Variants in TIMMDC1 observed in about 807,000 individuals in gnomAD.
The protein encoded by TIMMDC1 is translocase of inner mitochondrial membrane domain containing 1, also known as complex I assembly factor TIMMDC1, mitochondrial.
A neutral mutation model predicts 32.6 loss-of-function variants in TIMMDC1; 25 were observed. That is an observed-to-expected ratio of 0.77 (90% CI 0.56 to 1.07). The LOEUF (loss-of-function observed/expected upper bound fraction) is 1.07. Ranked by LOEUF, TIMMDC1 falls within the 50% of genes least tolerant of loss-of-function variation. The pLI, the probability that TIMMDC1 is intolerant of heterozygous loss-of-function variation, is 0.00. For missense variants in TIMMDC1, 329 were observed against 349.2 expected, an observed-to-expected ratio of 0.94 and a Z score of 0.46; for synonymous variants, 130 against 127.6, an observed-to-expected ratio of 1.02 and a Z score of -0.13.
At chr3:119,520,049 T>C (rs1178719812) in intron 6 of TIMMDC1, among the ~76,000 whole-genome samples, 1 of 152,076 alleles carries the variant, frequency 6.6e-6, no homozygotes, top group Non-Finnish European at 1.5e-5. Flanking sequence ...ATTTAAAAAT[T>C]TCTTGAAACA....
chr3:119,517,145 C>T, intron 5 of TIMMDC1, 60 bp from the exon 6 acceptor site: 2 of 1,030,400 alleles, frequency 1.9e-6, no homozygotes, highest in South Asian at 1.3e-5. Context: ...CAGAGAATCT[C>T]ACATGTTGCA....
At chr3:119,515,739 T>G (rs1278091159) in intron 5 of TIMMDC1, among the ~76,000 whole-genome samples, 1 of 152,218 alleles carries the variant, frequency 6.6e-6, no homozygotes, top group Non-Finnish European at 1.5e-5. Flanking sequence ...GCTCTCCAGC[T>G]ATCTTTTCAT....
intron 6 of TIMMDC1, among the ~76,000 whole-genome samples, chr3:119,518,145 A>T (rs566493907): frequency 8.5e-5 from 13 of 152,128 alleles, no homozygotes; most frequent in Non-Finnish European, 1.9e-4. Flanking sequence ...GCATCTAATC[A>T]TCTCCTGGGA....
intron 6 of TIMMDC1, 49 bp downstream of exon 6, chr3:119,517,364 C>A (rs1245675595): frequency 4.9e-6 from 6 of 1,218,492 alleles, no homozygotes; most frequent in Non-Finnish European, 7.3e-6. Flanking sequence ...TGCCCCAGGC[C>A]TTATATAGTG....
intron 5 of TIMMDC1, among the ~76,000 whole-genome samples, chr3:119,514,024 A>G (rs1332370248): frequency 6.6e-6 from 1 of 152,228 alleles, no homozygotes; most frequent in Non-Finnish European, 1.5e-5. Flanking sequence ...AAAACTGTTT[A>G]AATATTGCTA....
intron 4 of TIMMDC1, among the ~76,000 whole-genome samples, chr3:119,513,089 G>A (rs1284480997): frequency 2.0e-5 from 3 of 152,192 alleles, no homozygotes; most frequent in African/African-American, 7.2e-5. Flanking sequence ...GGCATTAGTT[G>A]CATTGTGCAT....
intron 4 of TIMMDC1, among the ~76,000 whole-genome samples, chr3:119,512,574 G>T (rs769264988): frequency 6.6e-6 from 1 of 151,984 alleles, no homozygotes; most frequent in Non-Finnish European, 1.5e-5. Context: ...CACCGTGCCC[G>T]GCCCCAGTTG....
Position 119,513,648 on chromosome 3 carries a change from G to T in TIMMDC1, c.525G>T (p.Thr175=), listed in dbSNP as rs1371003406. 1.2e-6 allele frequency: 2 copies of T among 1,612,322 alleles called. No homozygotes were observed. Among genetic ancestry groups the T allele is most frequent in the Admixed American group, 1.7e-5 (1 of 59,934 alleles). ...TTTCTTGTTTTTAAATAGCTGTCAC[G>T]GGAAGTCTTTTTAGGATAAACGTAG... ...LSHFVIAGAV[T]GSLFRINVGL... Residue 175 remains threonine (T), a synonymous_variant, in exon 5 of 7, where the codon ACG becomes ACT. Transcript: ENST00000494664.
At chr3:119,502,229 A>G (rs763934479) in intron 2 of TIMMDC1, among the ~76,000 whole-genome samples, 2 of 151,590 alleles carry the variant, frequency 1.3e-5, no homozygotes, top group Non-Finnish European at 2.9e-5. Flanking sequence ...AAAATTATTT[A>G]TTCCTTTATT....
chr3:119,519,964 AACTGTGCAAAT>A (rs2082014269), intron 6 of TIMMDC1, among the ~76,000 whole-genome samples: 1 of 152,216 alleles, frequency 6.6e-6, no homozygotes, highest in African/African-American at 2.4e-5. Context: ...GGACTTTGGA[AACTGTGCAAAT>A]ACACAGAAAT....
At chr3:119,518,553 C>CAA (rs112915406) in intron 6 of TIMMDC1, among the ~76,000 whole-genome samples, 79 of 112,076 alleles carry the variant, frequency 7.0e-4, no homozygotes, top group East Asian at 5.1e-3. Context: ...TACTTCATCT[C>CAA]AAAAAAAAAA....
chr3:119,498,705 C>T lies in TIMMDC1; in HGVS notation c.-29C>T, dbSNP rs1354389770. ...GCGAGGACTTGAAGTCCTGAGCGCT[C>T]AAGTTTGTCCGTAGGTCGAGAGAAG... On this transcript the variant is annotated 5_prime_UTR_variant, in exon 1 of 7. Transcript: ENST00000494664. 1 of 1,610,688 alleles carries T rather than the reference C, an allele frequency of 6.2e-7. No individual in the cohort carries two copies. The highest frequency in any genetic ancestry group is 8.5e-7 in the Non-Finnish European group (1 of 1,177,880).
intron 6 of TIMMDC1, among the ~76,000 whole-genome samples, chr3:119,520,897 G>C (rs765395577): frequency 1.3e-5 from 2 of 151,960 alleles, no homozygotes; most frequent in Non-Finnish European, 2.9e-5. Flanking sequence ...ATGAACAAGT[G>C]GGATTTATCC....
At position 119,500,986 on chromosome 3, in the gene TIMMDC1, C is replaced by G. The variant is rs2293371; in HGVS notation, c.360+126C>G. 0.25 allele frequency: 223,376 copies of G among 911,308 alleles called. 29,260 individuals are homozygous for G. Among genetic ancestry groups the G allele is most frequent in the Middle Eastern group, 0.32 (945 of 2,950 alleles). 56.5% of individuals were successfully genotyped at this position (911,308 alleles called of 1,614,324 possible). On this transcript the variant is annotated intron_variant, in intron 2 of 6. Coordinates refer to ENST00000494664, the MANE Select transcript of TIMMDC1 (RefSeq NM_016589.4). ...AGGTGTCAGAGTAAAGAAATAAAGT[C>G]TGTACTTAATAACAGTGGAAGTACT...
In TIMMDC1 at chr3:119,498,698, G is replaced by A; in HGVS notation, c.-36G>A. The A allele has an allele frequency of 6.2e-7, 1 of 1,605,058 alleles. No homozygotes were observed. Among genetic ancestry groups the A allele is most frequent in the Non-Finnish European group, 8.5e-7 (1 of 1,173,568 alleles). On this transcript the variant is annotated 5_prime_UTR_variant, in exon 1 of 7. Transcript: ENST00000494664. ...CACGTCCGCGAGGACTTGAAGTCCT[G>A]AGCGCTCAAGTTTGTCCGTAGGTCG... is the stretch of plus-strand genomic sequence containing the variant.
chr3:119,503,394 AT>A lies in TIMMDC1; in HGVS notation c.361-135del, dbSNP rs1314392630. ...TAAGCCTCAATACTTAAAGAATAGT[AT>A]TTCTAGAGATTTTCTAGTATTTCTA... On this transcript the variant is annotated intron_variant, in intron 2 of 6. Coordinates refer to ENST00000494664, the MANE Select transcript of TIMMDC1 (RefSeq NM_016589.4). The A allele has an allele frequency of 1.3e-4, 79 of 606,636 alleles. 1 individual carries two copies. Among genetic ancestry groups the A allele is most frequent in the South Asian group, 5.3e-4 (23 of 43,386 alleles). 37.6% of individuals were successfully genotyped at this position (606,636 alleles called of 1,614,324 possible).
At chr3:119,519,044 C>A (rs1276081393) in intron 6 of TIMMDC1, among the ~76,000 whole-genome samples, 1 of 152,138 alleles carries the variant, frequency 6.6e-6, no homozygotes, top group Non-Finnish European at 1.5e-5. Flanking sequence ...TTAAAGAACT[C>A]CTACATCTGA....
chr3:119,521,709 T>G (rs1363026717), intron 6 of TIMMDC1, among the ~76,000 whole-genome samples: 5 of 140,984 alleles, frequency 3.5e-5, no homozygotes, highest in South Asian at 2.3e-4. Context: ...AAAAAAAAAG[T>G]GGGCGGGGGA....
chr3:119,505,491 T>C (rs1416076807), intron 4 of TIMMDC1, among the ~76,000 whole-genome samples: 2 of 151,912 alleles, frequency 1.3e-5, no homozygotes, highest in African/African-American at 4.8e-5. Context: ...TCAGCCTCCC[T>C]AGTAGCTGGG....
Sources: gnomAD v4.1 joint callset for allele counts (sites outside exome capture counted in the v4.1 genomes callset) on GRCh38, gnomAD v4.1.1 for gene constraint, MANE v1.5 for transcripts, NCBI Gene and HGNC (gene_info 2026-07-23, HGNC 2026-07-21) for gene names.